PSG4: variants seen among roughly 807,000 people sequenced by gnomAD.
PSG4 encodes the protein pregnancy specific beta-1-glycoprotein 4, also known as pregnancy-specific beta-1-glycoprotein 4.
In PSG4, 61 loss-of-function variants were observed where a neutral mutation model predicts 44.3. The ratio of observed to expected loss-of-function variants is 1.38; its 90% confidence interval spans 1.12 to 1.70. The LOEUF (loss-of-function observed/expected upper bound fraction) is 1.70, where lower values mean the gene tolerates loss of function less well. Ranked by LOEUF, PSG4 falls within the 40% of genes most tolerant of loss-of-function variation. The pLI is 0.00. For missense variants in PSG4, 677 were observed against 511.7 expected (o/e 1.32, Z -3.12); for synonymous variants, 248 against 191.3 (o/e 1.30, Z -2.45).
intron 2 of PSG4, 62 bp downstream of exon 2, chr19:43,203,824 T>C: frequency 6.4e-7 from 1 of 1,560,390 alleles, no homozygotes; most frequent in Non-Finnish European, 8.6e-7. Context: ...GAGAATCCTG[T>C]GTGTGTGAAG....
In PSG4 at chr19:43,199,056, CT is replaced by C. The variant is rs1252980970; in HGVS notation, c.431-782del. 2.7e-5 allele frequency: 4 copies of C among 146,322 alleles called. 2 individuals carry two copies. The highest frequency in any genetic ancestry group is 1.4e-4 in the Admixed American group (2 of 14,740). The allele number at this position is 146,322 out of a possible 1,614,324, so 9.1% of individuals were successfully genotyped here. Reference sequence around the variant, plus strand: ...GAGGGCAGGTGAGGACCATGTGGATCTTTCTAGAAATACATGTGGATGTTTG... The same window carrying C: ...GAGGGCAGGTGAGGACCATGTGGATCTTCTAGAAATACATGTGGATGTTTG... On this transcript the variant is annotated intron_variant, in intron 2 of 5. Coordinates refer to ENST00000405312, the MANE Select transcript of PSG4 (RefSeq NM_002780.5).
chr19:43,201,994 A>T (rs972911682), intron 2 of PSG4, among the ~76,000 whole-genome samples: 5 of 144,614 alleles, frequency 3.5e-5, no homozygotes, highest in Non-Finnish European at 6.0e-5. Flanking sequence ...ACCTGGGGAC[A>T]TTGGCTCGAG....
chr19:43,203,811 C>T (rs578086729), intron 2 of PSG4, 75 bp downstream of exon 2: 1 of 1,553,764 alleles, frequency 6.4e-7, no homozygotes. Context: ...AGAGTCCAGG[C>T]CTGAGAATCC....
At chr19:43,193,931 AG>A in intron 5 of PSG4, 1 of 749,848 alleles carries the variant, frequency 1.3e-6, no homozygotes, top group Non-Finnish European at 2.4e-6. Context: ...AGAGAGCAAA[AG>A]TAAATGTTTC....
At chr19:43,196,085 T>C (rs1182019038) in intron 3 of PSG4, among the ~76,000 whole-genome samples, 2 of 151,616 alleles carry the variant, frequency 1.3e-5, no homozygotes, top group African/African-American at 2.4e-5. Context: ...ATATGGACAT[T>C]TGCAAAAGCA....
chr19:43,197,720 G>C (rs570184540), intron 3 of PSG4: 8 of 644,802 alleles, frequency 1.2e-5, no homozygotes, highest in Non-Finnish European at 1.9e-5. Flanking sequence ...CCAAATCCCC[G>C]CTGTGTTCAC....
intron 1 of PSG4, chr19:43,204,918 T>G: frequency 2.9e-6 from 1 of 344,782 alleles, no homozygotes; most frequent in South Asian, 2.4e-5. Flanking sequence ...GATATAGTTA[T>G]TGTTATCATT....
At chr19:43,193,454 C>A in intron 5 of PSG4, 66 bp from the exon 6 acceptor site, 2 of 764,068 alleles carry the variant, frequency 2.6e-6, no homozygotes, top group Admixed American at 1.7e-5. Flanking sequence ...CGGTGTACTA[C>A]AGTTTTTATT....
In PSG4 at chr19:43,205,602, C is replaced by T. The variant is rs1387049396; in HGVS notation, c.-66G>A. 133 of 1,443,126 alleles carry T rather than the reference C, an allele frequency of 9.2e-5. 10 individuals are homozygous for T. Among genetic ancestry groups the T allele is most frequent in the African/African-American group, 1.9e-4 (12 of 63,168 alleles). 89.4% of individuals were successfully genotyped at this position (1,443,126 alleles called of 1,614,324 possible). On this transcript the variant is annotated 5_prime_UTR_variant, in exon 1 of 6. Transcript: ENST00000405312. ...CTAGGATCCAGAAGCTTCCTGAGTA[C>T]GGCTGTCAGCTGTGCTGTCCTTCCT... is the stretch of plus-strand genomic sequence containing the variant.
At position 43,194,690 on chromosome 19, in the gene PSG4, C is replaced by CA; in HGVS notation, c.989-97dup. 5 of 1,512,682 alleles carry CA rather than the reference C, an allele frequency of 3.3e-6. 1 individual carries two copies. The South Asian group carries it at 6.6e-5, about 20-fold the overall frequency. The allele number at this position is 1,512,682 out of a possible 1,614,324, so 93.7% of individuals were successfully genotyped here. A position where few individuals can be genotyped will look rare whatever the true frequency, so the allele number is the denominator to read the frequency against. ...GACACAGTTACCCTCTAAGCCAAGA[C>CA]ACACCTTCAAGTCCCAGCCAAACTC... On this transcript the variant is annotated intron_variant, in intron 4 of 5. Transcript: ENST00000405312.
rs1659636745 is a variant in PSG4 at position 43,200,106 on chromosome 19, T to C, written c.431-1831A>G. 1.4e-5 allele frequency among the ~76,000 whole-genome samples: 2 copies of C among 145,816 alleles called. 1 individual carries two copies. Among genetic ancestry groups the C allele is most frequent in the Non-Finnish European group, 3.0e-5 (2 of 67,286 alleles). On this transcript the variant is annotated intron_variant, in intron 2 of 5. Transcript: ENST00000405312. ...CCCCAAAACAGGTATGTGGAATGCT[T>C]TCTTCATTTTCTGTTAAGCTCAGGA...
intron 3 of PSG4, among the ~76,000 whole-genome samples, chr19:43,197,166 G>C (rs905811753): frequency 6.9e-6 from 1 of 145,454 alleles, no homozygotes. Context: ...TCTAAAGAAT[G>C]ACCTAGAAAG....
rs1232975839 is a variant in PSG4, at chr19:43,195,098, G to A, written c.885C>T (p.Leu295=). Residue 295 remains leucine (L), a synonymous_variant, in exon 4 of 6, where the codon CTC becomes CTT. Transcript: ENST00000405312. ...CATTTCTCGTGACATTGGGTAGAATGAGGATCCTGTTTTCAATGGGTCGCT... is the reference window on the plus strand; with the variant it reads ...CATTTCTCGTGACATTGGGTAGAATAAGGATCCTGTTTTCAATGGGTCGCT... The part of the protein sequence containing the change: ...RVKRPIENRI[L]ILPNVTRNET... 2 of 1,610,884 alleles carry A rather than the reference G, an allele frequency of 1.2e-6. No individual in the cohort carries two copies. The highest frequency in any genetic ancestry group is 1.3e-5 in the African/African-American group (1 of 74,456).
chr19:43,197,713 A>T (rs1599771251), intron 3 of PSG4: 1 of 605,006 alleles, frequency 1.7e-6, no homozygotes, highest in Non-Finnish European at 2.6e-6. Context: ...GTCCCAGCCA[A>T]ATCCCCGCTG....
At chr19:43,198,639 T>G (rs1476010777) in intron 2 of PSG4, 1 of 230,258 alleles carries the variant, frequency 4.3e-6, no homozygotes, top group Non-Finnish European at 8.1e-6. Context: ...GGAATCTTCT[T>G]AGTTTCAGTC....
In PSG4 at chr19:43,198,012, T is replaced by C. The variant is rs1599771934; in HGVS notation, c.694A>G (p.Thr232Ala). 1 of 1,587,312 alleles carries C rather than the reference T, an allele frequency of 6.3e-7. No homozygotes were observed. The highest frequency in any genetic ancestry group is 8.5e-7 in the Non-Finnish European group (1 of 1,171,878). Residue 232 changes from threonine to alanine, a missense_variant, in exon 3 of 6, where the codon ACC becomes GCC. By Grantham distance (58) the Thr-to-Ala change is moderately conservative. Coordinates refer to ENST00000405312, the MANE Select transcript of PSG4 (RefSeq NM_002780.5). ...GGATACTCACGGAGGAGATTCAGGG[T>C]GACTGGGTCACTGCGGCTGGCACTC... ...PVSASRSDPV[T>A]LNLLPKLSKP...
At chr19:43,198,350 T>G in intron 2 of PSG4, 75 bp from the exon 3 acceptor site, 1 of 1,528,092 alleles carries the variant, frequency 6.5e-7, no homozygotes, top group Non-Finnish European at 8.7e-7. Context: ...CAATCAGAGT[T>G]GGCATTTCCC....
rs1464901318 is a variant in PSG4, at chr19:43,204,661, T to C, written c.65-410A>G. ...CTCCAGGGTTCTTGTCAACACCTGA[T>C]CTCACATTCTAGATCACTTAGCATG... On this transcript the variant is annotated intron_variant, in intron 1 of 5. Coordinates refer to ENST00000405312, the MANE Select transcript of PSG4 (RefSeq NM_002780.5). 3.9e-5 allele frequency: 9 copies of C among 233,628 alleles called. 1 individual carries two copies. Among genetic ancestry groups the C allele is most frequent in the South Asian group, 1.5e-4 (3 of 19,520 alleles). 14.5% of individuals were successfully genotyped at this position (233,628 alleles called of 1,614,324 possible).
Position 43,193,387 on chromosome 19 carries a change from G to A in PSG4, c.1245C>T (p.Asp415=), listed in dbSNP as rs1210044234. Residue 415 remains aspartate (D), a splice_region_variant and synonymous_variant, in exon 6 of 6, where the codon GAC becomes GAT. Transcript: ENST00000405312. ...CTAGTAGAATTCAGGGTAATATCCA[G>A]TCTACAGGTGGATAATAAAAACACA... is the stretch of plus-strand genomic sequence containing the variant. ...SSKSITVKVS[D]WILP is the part of the protein sequence containing the mutation. The A allele has an allele frequency of 5.2e-6, 4 of 771,552 alleles. No individual in the cohort carries two copies. Among genetic ancestry groups the A allele is most frequent in the African/African-American group, 1.7e-5 (1 of 58,818 alleles). The allele number at this position is 771,552 out of a possible 1,614,324, so 47.8% of individuals were successfully genotyped here. A position where few individuals can be genotyped will look rare whatever the true frequency, so the allele number is the denominator to read the frequency against.
Sources: allele counts gnomAD v4.1 joint callset (sites outside exome capture counted in the v4.1 genomes callset), GRCh38; gene constraint gnomAD v4.1.1; transcripts MANE v1.5; gene names NCBI Gene and HGNC (gene_info 2026-07-23, HGNC 2026-07-21).